Variants in CHODL observed in about 807,000 individuals in gnomAD.
The protein encoded by CHODL is transmembrane protein MT75.
In CHODL, 29 loss-of-function variants were observed where a neutral mutation model predicts 34.5. That is an observed-to-expected ratio of 0.84 (90% confidence interval 0.63 to 1.15). The LOEUF (loss-of-function observed/expected upper bound fraction) is 1.15. Ranked by LOEUF, CHODL falls within the 50% of genes most tolerant of loss-of-function variation. The pLI, the probability that CHODL is intolerant of heterozygous loss-of-function variation, is 0.00. For synonymous variants in CHODL, 125 were observed against 116.1 expected (o/e 1.08, Z -0.49); for missense variants, 332 against 332.5 (o/e 1.00, Z 0.01).
intron 1 of CHODL, among the ~76,000 whole-genome samples, chr21:17,984,310 T>G (rs2063737018): frequency 6.6e-6 from 1 of 152,316 alleles, no homozygotes; most frequent in Admixed American, 6.5e-5. Context: ...TTGGCTATTA[T>G]AAATAATTGT....
intron 2 of CHODL, among the ~76,000 whole-genome samples, chr21:18,222,168 G>A (rs2073890631): frequency 6.6e-6 from 1 of 152,138 alleles, no homozygotes; most frequent in African/African-American, 2.4e-5. Flanking sequence ...GCTTTGAGGA[G>A]CTCATGCTTC....
At chr21:18,029,075 T>A (rs1429732353) in intron 2 of CHODL, among the ~76,000 whole-genome samples, 2 of 152,180 alleles carry the variant, frequency 1.3e-5, no homozygotes, top group African/African-American at 4.8e-5. Flanking sequence ...TTAGAGTTCT[T>A]ATGGCCTCTT....
chr21:18,260,793 C>T (rs1235060857), intron 4 of CHODL, among the ~76,000 whole-genome samples: 1 of 152,050 alleles, frequency 6.6e-6, no homozygotes, highest in African/African-American at 2.4e-5. Flanking sequence ...GTTTGGTCAA[C>T]AAAGTGAGAC....
chr21:17,953,000 A>T (rs955582643), intron 1 of CHODL, among the ~76,000 whole-genome samples: 9 of 152,056 alleles, frequency 5.9e-5, no homozygotes, highest in Non-Finnish European at 1.2e-4. Context: ...GCTTGGAAAA[A>T]ATTGCCCCCA....
intron 1 of CHODL, among the ~76,000 whole-genome samples, chr21:17,995,159 C>T (rs573758135): frequency 7.2e-5 from 11 of 152,056 alleles, no homozygotes; most frequent in Non-Finnish European, 1.0e-4. Context: ...CCTGTTGGGA[C>T]GCAGGGCAGG....
intron 2 of CHODL, among the ~76,000 whole-genome samples, chr21:18,183,209 T>G (rs569262404): frequency 1.1e-4 from 16 of 152,310 alleles, no homozygotes; most frequent in African/African-American, 3.6e-4. Context: ...GCCCCTAAAA[T>G]ACTTGTTTAT....
chr21:18,248,687 T>TTATATACATATATATGTATATAA (rs1467752835), intron 1 of CHODL, among the ~76,000 whole-genome samples: 32 of 120,514 alleles, frequency 2.7e-4, no homozygotes, highest in South Asian at 1.3e-3. Context: ...TATGTATATA[T>TTATATACATATATATGTATATAA]TATATACATA....
chr21:17,990,131 T>C (rs189467182), intron 1 of CHODL, among the ~76,000 whole-genome samples: 20 of 152,222 alleles, frequency 1.3e-4, no homozygotes, highest in Non-Finnish European at 2.4e-4. Flanking sequence ...TTACCTATAG[T>C]TGATTTTAAT....
intron 2 of CHODL, among the ~76,000 whole-genome samples, chr21:18,211,253 C>T (rs913443880): frequency 6.6e-6 from 1 of 151,904 alleles, no homozygotes. Flanking sequence ...GTTTTAATTA[C>T]ATAGTCTCTT....
chr21:18,072,950 CATTT>C, intron 2 of CHODL, among the ~76,000 whole-genome samples: 1 of 152,184 alleles, frequency 6.6e-6, no homozygotes, highest in South Asian at 2.1e-4. Flanking sequence ...TTTGATGTCT[CATTT>C]ATTATTAAAG....
intron 2 of CHODL, among the ~76,000 whole-genome samples, chr21:18,105,952 G>A (rs1330551173): frequency 2.0e-5 from 3 of 152,246 alleles, no homozygotes; most frequent in Non-Finnish European, 4.4e-5. Context: ...CTTCTCAGAT[G>A]CCAATGGAGA....
intron 2 of CHODL, among the ~76,000 whole-genome samples, chr21:18,167,454 C>T (rs1037869362): frequency 3.4e-4 from 52 of 151,804 alleles, no homozygotes; most frequent in African/African-American, 1.2e-3. Context: ...GGACTACAGG[C>T]GACCACCACC....
At chr21:18,028,426 G>A (rs977764849) in intron 2 of CHODL, among the ~76,000 whole-genome samples, 1 of 151,542 alleles carries the variant, frequency 6.6e-6, no homozygotes, top group Non-Finnish European at 1.5e-5. Context: ...GTTGGGCACG[G>A]TGGCTCACGC....
chr21:17,958,440 T>A (rs2146348789), intron 1 of CHODL, among the ~76,000 whole-genome samples: 1 of 152,288 alleles, frequency 6.6e-6, no homozygotes, highest in Non-Finnish European at 1.5e-5. Flanking sequence ...ACACTACTGT[T>A]AATATATCCT....
At chr21:18,011,048 A>G (rs1015788588) in intron 1 of CHODL, among the ~76,000 whole-genome samples, 2 of 152,156 alleles carry the variant, frequency 1.3e-5, no homozygotes, top group East Asian at 1.9e-4. Context: ...TTGTGTGGCA[A>G]ATATTTAAAT....
At chr21:18,204,905 A>T (rs2073695555) in intron 2 of CHODL, among the ~76,000 whole-genome samples, 1 of 152,210 alleles carries the variant, frequency 6.6e-6, no homozygotes, top group Admixed American at 6.5e-5. Flanking sequence ...TTCTGGGATC[A>T]TAACGAGCCT....
chr21:18,171,198 G>GTTCTTT lies in CHODL; in HGVS notation c.-44-85309_-44-85308insCTTTTT, dbSNP rs1333481522. 1.3e-4 allele frequency among the ~76,000 whole-genome samples: 5 copies of GTTCTTT among 37,064 alleles called. 2 individuals carry two copies. In the East Asian group the frequency reaches 7.8e-3, roughly 58 times the overall value. The allele number at this position is 37,064 out of a possible 152,430, so 24.3% of individuals were successfully genotyped here. A position where few individuals can be genotyped will look rare whatever the true frequency, so the allele number is the denominator to read the frequency against. On this transcript the variant is annotated intron_variant, in intron 2 of 6. Transcript: ENST00000400127. ...TGTTCTTCAGACATGGTTTTCTTTA[G>GTTCTTT]TTTTTTTTTTTTTTTTTTTGAGACG...
intron 2 of CHODL, among the ~76,000 whole-genome samples, chr21:18,068,325 T>C (rs904999170): frequency 2.0e-5 from 3 of 151,948 alleles, no homozygotes; most frequent in Middle Eastern, 3.4e-3. Flanking sequence ...GCCTACCAAG[T>C]AGCTGGGTTT....
intron 2 of CHODL, among the ~76,000 whole-genome samples, chr21:18,227,470 G>C (rs1365082331): frequency 6.6e-6 from 1 of 152,064 alleles, no homozygotes; most frequent in African/African-American, 2.4e-5. Context: ...TGTGTAGTGG[G>C]TATTTAATTT....
Sources: allele counts gnomAD v4.1 joint callset (sites outside exome capture counted in the v4.1 genomes callset), GRCh38; gene constraint gnomAD v4.1.1; transcripts MANE v1.5; gene names NCBI Gene and HGNC (gene_info 2026-07-23, HGNC 2026-07-21).